The following MZT2B variants were observed in gnomAD, a reference collection of about 807,000 sequenced individuals.
MZT2B encodes the protein mitotic spindle organizing protein 2B.
Under a neutral mutation model 12.1 loss-of-function variants are expected in MZT2B, and 11 were observed. The observed-to-expected ratio is 0.91, with a 90% CI of 0.57 to 1.50. The LOEUF is 1.50. Ranked by LOEUF, MZT2B falls within the 40% of genes most tolerant of loss-of-function variation. The pLI is 0.00. For missense variants in MZT2B, 209 were observed against 227.7 expected, an observed-to-expected ratio of 0.92 and a Z score of 0.53; for synonymous variants, 85 against 109.5, an observed-to-expected ratio of 0.78 and a Z score of 1.40.
At chr2:130,187,733 CCTT>C (rs1690114726) in intron 2 of MZT2B, among the ~76,000 whole-genome samples, 1 of 152,164 alleles carries the variant, frequency 6.6e-6, no homozygotes, top group Non-Finnish European at 1.5e-5. Context: ...GCCTTCTCAT[CCTT>C]CATAAAGTGA....
chr2:130,195,319 T>C, downstream of MZT2B: 1 of 1,524,376 alleles, frequency 6.6e-7, no homozygotes, highest in Non-Finnish European at 8.8e-7. Flanking sequence ...ACAGAGCACA[T>C]GCTGTTCAAA....
chr2:130,202,452 G>C, the MZT2B span: 1 of 1,278,222 alleles, frequency 7.8e-7, no homozygotes, highest in Non-Finnish European at 1.0e-6. Flanking sequence ...AGGCAGTTTG[G>C]TTCTGGGTGA....
chr2:130,188,788 G>GTAC (rs1690155321), intron 2 of MZT2B, among the ~76,000 whole-genome samples: 1 of 152,102 alleles, frequency 6.6e-6, no homozygotes, highest in Non-Finnish European at 1.5e-5. Context: ...GGGAGCTGGA[G>GTAC]GTACCTCTGG....
downstream of MZT2B, chr2:130,195,317 C>T: frequency 1.3e-6 from 2 of 1,525,108 alleles, no homozygotes; most frequent in Non-Finnish European, 1.8e-6. Flanking sequence ...CTACAGAGCA[C>T]ATGCTGTTCA....
intron 2 of MZT2B, among the ~76,000 whole-genome samples, chr2:130,188,691 C>G (rs1165812026): frequency 6.6e-6 from 1 of 152,140 alleles, no homozygotes; most frequent in East Asian, 1.9e-4. Context: ...ATCTCATTCT[C>G]TGAGGAAGAA....
At chr2:130,190,741 G>GTTTTTTGTTTTTTTTTTTT (rs1573767798), downstream of MZT2B, 1 of 1,096,302 alleles carries the variant, frequency 9.1e-7, no homozygotes, top group Non-Finnish European at 1.2e-6. Flanking sequence ...GTTGTCTACC[G>GTTTTTTGTTTTTTTTTTTT]TTTTTTTTTT....
chr2:130,204,418 T>C, the MZT2B span: 5,708 of 415,596 alleles, frequency 0.014, 241 homozygotes, highest in African/African-American at 0.12. Flanking sequence ...TAGCCAGATG[T>C]GGTGGCTCAC....
chr2:130,199,323 T>G, the MZT2B span, among the ~76,000 whole-genome samples: 2 of 120,898 alleles, frequency 1.7e-5, 1 homozygote. Flanking sequence ...GGCAGGAGGA[T>G]TGCTTCAGGT....
chr2:130,198,214 C>T, the MZT2B span: 2 of 943,386 alleles, frequency 2.1e-6, no homozygotes, highest in Non-Finnish European at 2.9e-6. Context: ...GGAAACGATC[C>T]CGTGTCCTCC....
At chr2:130,183,409 G>A in intron 2 of MZT2B, 1 of 375,606 alleles carries the variant, frequency 2.7e-6, no homozygotes, top group Non-Finnish European at 5.1e-6. Flanking sequence ...AGAGGCCTGC[G>A]GGGTCTGAAG....
At chr2:130,183,657 C>G (rs1420268172) in intron 2 of MZT2B, 1 of 1,486,072 alleles carries the variant, frequency 6.7e-7, no homozygotes, top group East Asian at 2.5e-5. Flanking sequence ...AGCAGGCTGC[C>G]TTCATGGGGG....
chr2:130,181,863 T>TCCCCCCCCC, upstream of MZT2B: 1 of 1,438,654 alleles, frequency 7.0e-7, no homozygotes, highest in Non-Finnish European at 9.4e-7. Context: ...GCCCCCCCCT[T>TCCCCCCCCC]CCCCCCGCCC....
At chr2:130,181,741 G>A, upstream of MZT2B, 1 of 1,548,628 alleles carries the variant, frequency 6.5e-7, no homozygotes, top group Non-Finnish European at 8.7e-7. Flanking sequence ...GAGTGCGGGG[G>A]AGGGAGTGGT....
intron 2 of MZT2B, chr2:130,184,292 C>T (rs1223504329): frequency 9.1e-6 from 9 of 985,396 alleles, no homozygotes; most frequent in Non-Finnish European, 1.1e-5. Flanking sequence ...CTGGAGAGCA[C>T]AGCCCCAGGC....
At chr2:130,199,972 T>C in the MZT2B span, among the ~76,000 whole-genome samples, 2 of 151,906 alleles carry the variant, frequency 1.3e-5, no homozygotes, top group African/African-American at 4.8e-5. Flanking sequence ...GGTGAGCACC[T>C]ATAGTCCCAG....
chr2:130,182,958 G>A (rs1381327139), intron 2 of MZT2B, 183 bp downstream of exon 2: 28 of 823,796 alleles, frequency 3.4e-5, no homozygotes, highest in Middle Eastern at 7.3e-4. Flanking sequence ...TAGGAGGCAC[G>A]TCCAGGTCAG....
downstream of MZT2B, chr2:130,192,017 G>C: frequency 1.2e-6 from 2 of 1,614,100 alleles, no homozygotes; most frequent in Non-Finnish European, 1.7e-6. Context: ...GGACCAGGCG[G>C]GCCCAGGCCT....
At position 130,190,724 on chromosome 2, in the gene MZT2B, G is replaced by T; in HGVS notation, c.*98G>T. The stretch of plus-strand genomic sequence containing the variant: ...CCTTTCTGAGATGCAGAGGGTCCAG[G>T]TCAGATGTTGTCTACCGTTTTTTTT... On this transcript the variant is annotated 3_prime_UTR_variant, in exon 3 of 3. Coordinates refer to ENST00000281871, the MANE Select transcript of MZT2B (RefSeq NM_025029.5). 2.7e-6 allele frequency: 4 copies of T among 1,464,100 alleles called. No individual in the cohort carries two copies. The highest frequency in any genetic ancestry group is 2.4e-5 in the East Asian group (1 of 41,100). The allele number at this position is 1,464,100 out of a possible 1,614,324, so 90.7% of individuals were successfully genotyped here. A position where few individuals can be genotyped will look rare whatever the true frequency, so the allele number is the denominator to read the frequency against.
intron 2 of MZT2B, chr2:130,184,791 C>T: frequency 1.0e-6 from 1 of 985,424 alleles, no homozygotes; most frequent in Non-Finnish European, 1.2e-6. Flanking sequence ...GCTCTGGGAG[C>T]CAGGCCTAGC....
Sources: gnomAD v4.1 joint callset for allele counts (sites outside exome capture counted in the v4.1 genomes callset) on GRCh38, gnomAD v4.1.1 for gene constraint, MANE v1.5 for transcripts, NCBI Gene and HGNC (gene_info 2026-07-23, HGNC 2026-07-21) for gene names.